Variants in TAFA2 observed in about 807,000 individuals in gnomAD.
The protein encoded by TAFA2 is chemokine-like protein TAFA-2.
TAFA2 carries 7 observed loss-of-function variants against 18.8 expected under a neutral mutation model. The observed-to-expected ratio is 0.37, with a 90% confidence interval of 0.21 to 0.70. The LOEUF is 0.70. Among genes scored for constraint, TAFA2 ranks in the 30% least tolerant of loss-of-function variants. The probability of loss-of-function intolerance (pLI) is 0.53; values close to 1 mark genes in which losing one functional copy is unlikely to be tolerated. For synonymous variants in TAFA2, 60 were observed against 54.2 expected, an observed-to-expected ratio of 1.11 and a Z score of -0.47; for missense variants, 122 against 158.1, an observed-to-expected ratio of 0.77 and a Z score of 1.23.
rs1288585744 is a variant in TAFA2, at chr12:62,043,175, G to A, written c.-2+148084C>T. On this transcript the variant is annotated intron_variant, in intron 1 of 4. Transcript: ENST00000416284. Reference sequence around the variant, plus strand: ...AATATTTTCATTTAATTAGTTTATTGCGGCACTATTCACACTAGCAAAGAC... The same window carrying A: ...AATATTTTCATTTAATTAGTTTATTACGGCACTATTCACACTAGCAAAGAC... Among the ~76,000 whole-genome samples the A allele has an allele frequency of 2.6e-5, 4 of 151,904 alleles. 1 individual carries two copies. The highest frequency in any genetic ancestry group is 5.9e-5 in the Non-Finnish European group (4 of 67,988).
chr12:62,136,791 G>T (rs531376324), intron 1 of TAFA2, among the ~76,000 whole-genome samples: 1 of 152,306 alleles, frequency 6.6e-6, no homozygotes, highest in South Asian at 2.1e-4. Flanking sequence ...GGTATTTAGA[G>T]TATAGCCATT....
At chr12:62,054,792 T>C (rs1442159762) in intron 1 of TAFA2, among the ~76,000 whole-genome samples, 1 of 152,198 alleles carries the variant, frequency 6.6e-6, no homozygotes, top group Non-Finnish European at 1.5e-5. Context: ...TGGACTTGCA[T>C]TTATTGGTGA....
chr12:62,025,937 C>T (rs756502789), intron 1 of TAFA2, among the ~76,000 whole-genome samples: 98 of 151,962 alleles, frequency 6.4e-4, no homozygotes, highest in Non-Finnish European at 1.1e-3. Flanking sequence ...GTAGTCAAGA[C>T]GAAATTAACT....
At chr12:61,712,680 C>G (rs930040358) in intron 4 of TAFA2, among the ~76,000 whole-genome samples, 3 of 152,070 alleles carry the variant, frequency 2.0e-5, no homozygotes, top group African/African-American at 7.2e-5. Flanking sequence ...TTAAAGCAAC[C>G]TATTCTCACA....
chr12:61,852,271 T>C (rs1422467690), intron 2 of TAFA2, among the ~76,000 whole-genome samples: 1 of 150,778 alleles, frequency 6.6e-6, no homozygotes, highest in Non-Finnish European at 1.5e-5. Flanking sequence ...TGGAGGATGA[T>C]GGTCAAATGT....
chr12:61,890,018 C>T (rs1036375788), intron 1 of TAFA2, among the ~76,000 whole-genome samples: 3 of 152,196 alleles, frequency 2.0e-5, no homozygotes, highest in African/African-American at 7.2e-5. Context: ...CCAAAATGAA[C>T]ACCAAAAATA....
chr12:61,798,873 GA>G (rs1376889807), intron 2 of TAFA2, among the ~76,000 whole-genome samples: 5 of 152,178 alleles, frequency 3.3e-5, no homozygotes, highest in Admixed American at 6.5e-5. Context: ...TGTTATCTAA[GA>G]TAATTGATTA....
chr12:62,071,275 G>A (rs913482657), intron 1 of TAFA2, among the ~76,000 whole-genome samples: 4 of 152,112 alleles, frequency 2.6e-5, no homozygotes, highest in African/African-American at 4.8e-5. Context: ...AACAGCTCTC[G>A]GACCCGGGAA....
At chr12:61,854,558 G>A (rs1330403760) in intron 2 of TAFA2, among the ~76,000 whole-genome samples, 1 of 151,760 alleles carries the variant, frequency 6.6e-6, no homozygotes, top group Non-Finnish European at 1.5e-5. Flanking sequence ...TAAAATTACA[G>A]AACAGAGTCA....
chr12:61,737,183 T>C (rs1235400377), intron 4 of TAFA2, among the ~76,000 whole-genome samples: 3 of 152,044 alleles, frequency 2.0e-5, no homozygotes. Context: ...CACTGCAATA[T>C]TGGGATTTTA....
intron 1 of TAFA2, among the ~76,000 whole-genome samples, chr12:61,951,243 G>GT (rs1484340615): frequency 6.6e-6 from 1 of 152,198 alleles, no homozygotes; most frequent in African/African-American, 2.4e-5. Context: ...ATATAACGCT[G>GT]TAAGAGTGAT....
intron 4 of TAFA2, among the ~76,000 whole-genome samples, chr12:61,725,974 T>C (rs567051760): frequency 6.6e-6 from 1 of 151,518 alleles, no homozygotes; most frequent in African/African-American, 2.4e-5. Context: ...TAGTGTACAC[T>C]CTTTGGGTAA....
chr12:61,744,016 C>T (rs758827071), intron 4 of TAFA2, among the ~76,000 whole-genome samples: 1 of 152,012 alleles, frequency 6.6e-6, no homozygotes, highest in Non-Finnish European at 1.5e-5. Flanking sequence ...ATTTTAGTAA[C>T]CAAAACCAGG....
chr12:62,171,265 G>C (rs562619328), intron 1 of TAFA2, among the ~76,000 whole-genome samples: 1 of 152,016 alleles, frequency 6.6e-6, no homozygotes, highest in Non-Finnish European at 1.5e-5. Flanking sequence ...ACATAAATAA[G>C]CAAATCCTCC....
intron 4 of TAFA2, among the ~76,000 whole-genome samples, chr12:61,725,621 G>A (rs1307011677): frequency 6.6e-6 from 1 of 151,974 alleles, no homozygotes; most frequent in Non-Finnish European, 1.5e-5. Flanking sequence ...TCTGGGTTCT[G>A]TATTCTGTTC....
At chr12:62,190,070 T>C (rs372068021) in intron 1 of TAFA2, among the ~76,000 whole-genome samples, 4 of 152,018 alleles carry the variant, frequency 2.6e-5, no homozygotes, top group Middle Eastern at 3.2e-3. Flanking sequence ...TTTTTCCCTC[T>C]CTCTCTCTTA....
intron 1 of TAFA2, among the ~76,000 whole-genome samples, chr12:61,980,203 C>T (rs891344137): frequency 3.9e-5 from 6 of 152,016 alleles, no homozygotes; most frequent in Non-Finnish European, 7.4e-5. Flanking sequence ...CGACAAAAAC[C>T]ACATGATTAT....
intron 1 of TAFA2, among the ~76,000 whole-genome samples, chr12:62,240,601 G>A (rs904788772): frequency 6.6e-6 from 1 of 152,134 alleles, no homozygotes; most frequent in Non-Finnish European, 1.5e-5. Flanking sequence ...TGGGAATCAT[G>A]ACAACTAGTT....
intron 1 of TAFA2, among the ~76,000 whole-genome samples, chr12:62,104,456 T>C (rs1456629472): frequency 6.6e-6 from 1 of 152,214 alleles, no homozygotes; most frequent in African/African-American, 2.4e-5. Flanking sequence ...CCCGTGTCTT[T>C]TGTTGAGGAG....
Sources: gnomAD v4.1 joint callset for allele counts (sites outside exome capture counted in the v4.1 genomes callset) on GRCh38, gnomAD v4.1.1 for gene constraint, MANE v1.5 for transcripts, NCBI Gene and HGNC (gene_info 2026-07-23, HGNC 2026-07-21) for gene names.